Variants in TANC1 observed in about 807,000 individuals in gnomAD.
TANC1 encodes tetratricopeptide repeat, ankyrin repeat and coiled-coil containing 1.
TANC1 carries 77 observed loss-of-function variants against 149.7 expected under a neutral mutation model. The ratio of observed to expected loss-of-function variants is 0.51; its 90% confidence interval spans 0.43 to 0.62. The LOEUF (loss-of-function observed/expected upper bound fraction) is 0.62. TANC1 is among the 20% of genes least tolerant of loss of function. The pLI is 0.00. For synonymous variants in TANC1, 854 were observed against 925.0 expected, an observed-to-expected ratio of 0.92 and a Z score of 1.39; for missense variants, 1,985 against 2,321.8, an observed-to-expected ratio of 0.85 and a Z score of 2.98.
Position 159,062,334 on chromosome 2 carries a change from A to G in TANC1, c.-15-3562A>G, listed in dbSNP as rs182869934. 2.3e-3 allele frequency among the ~76,000 whole-genome samples: 347 copies of G among 152,372 alleles called. 3 individuals are homozygous for G. Among genetic ancestry groups the G allele is most frequent in the African/African-American group, 7.7e-3 (321 of 41,592 alleles). The stretch of plus-strand genomic sequence containing the variant: ...ATGTTTTATCCTATGATACTTATCC[A>G]TAAGTACTTCCTTACCATACAGTAT... On this transcript the variant is annotated intron_variant, in intron 2 of 26. Coordinates refer to ENST00000263635, the MANE Select transcript of TANC1 (RefSeq NM_033394.3).
intron 1 of TANC1, among the ~76,000 whole-genome samples, chr2:158,989,922 T>G (rs1024941850): frequency 6.6e-6 from 1 of 152,000 alleles, no homozygotes; most frequent in East Asian, 1.9e-4. Flanking sequence ...ATGGGGATTT[T>G]TTTTTTTTTT....
chr2:159,060,537 T>A (rs917187724), intron 2 of TANC1, among the ~76,000 whole-genome samples: 21 of 152,234 alleles, frequency 1.4e-4, no homozygotes, highest in African/African-American at 4.3e-4. Flanking sequence ...TATAGGAATA[T>A]TCTTTGTCAA....
intron 16 of TANC1, 22 bp downstream of exon 16, chr2:159,187,046 G>A (rs573373795): frequency 6.2e-7 from 1 of 1,613,340 alleles, no homozygotes; most frequent in South Asian, 1.1e-5. Flanking sequence ...TCTGCACAGA[G>A]AGCCGGAGAC....
intron 3 of TANC1, among the ~76,000 whole-genome samples, chr2:159,088,822 C>T (rs2045230010): frequency 6.6e-6 from 1 of 152,152 alleles, no homozygotes; most frequent in African/African-American, 2.4e-5. Context: ...AGGAAAGAAA[C>T]ACTCTATGAA....
intron 1 of TANC1, among the ~76,000 whole-genome samples, chr2:159,000,464 G>A (rs1574044968): frequency 6.6e-6 from 1 of 152,168 alleles, no homozygotes; most frequent in East Asian, 1.9e-4. Flanking sequence ...GAATATTCAG[G>A]GTCTTTTGGA....
At chr2:159,086,563 G>C (rs1367591452) in intron 3 of TANC1, among the ~76,000 whole-genome samples, 1 of 152,168 alleles carries the variant, frequency 6.6e-6, no homozygotes, top group African/African-American at 2.4e-5. Context: ...GACAGCAGGA[G>C]CCTCAAGAAC....
chr2:159,107,153 G>A (rs190164208), intron 4 of TANC1, among the ~76,000 whole-genome samples: 1 of 152,246 alleles, frequency 6.6e-6, no homozygotes, highest in Non-Finnish European at 1.5e-5. Context: ...TCAGCCTCCT[G>A]AGTAGCTGGG....
intron 1 of TANC1, among the ~76,000 whole-genome samples, chr2:158,968,986 C>T (rs905512072): frequency 1.3e-5 from 2 of 152,190 alleles, no homozygotes; most frequent in Non-Finnish European, 2.9e-5. Flanking sequence ...ACATGTTGGG[C>T]GCCCCGGGCC....
chr2:159,036,146 C>T (rs2040173491), intron 2 of TANC1, among the ~76,000 whole-genome samples: 1 of 152,144 alleles, frequency 6.6e-6, no homozygotes, highest in African/African-American at 2.4e-5. Flanking sequence ...CGATTCCCTT[C>T]CTGGCTGCCA....
At position 158,983,339 on chromosome 2, in the gene TANC1, T is replaced by C. The variant is rs989279667; in HGVS notation, c.-126+14557T>C. Among the ~76,000 whole-genome samples, 66 of 151,282 alleles carry C rather than the reference T, an allele frequency of 4.4e-4. 1 individual carries two copies. The highest frequency in any genetic ancestry group is 2.3e-3 in the South Asian group (11 of 4,762). On this transcript the variant is annotated intron_variant, in intron 1 of 26. Coordinates refer to ENST00000263635, the MANE Select transcript of TANC1 (RefSeq NM_033394.3). ...AAAATTAGCCGGGCGTGGTGGCGGG[T>C]GCCTGTAGTCCCAGCTACTCGGGAG...
In TANC1 at chr2:159,102,648, T is replaced by C. The variant is rs902588549; in HGVS notation, c.259+4814T>C. ...CCAGTTTACTTGAAGAGTTTGATAT[T>C]TGTTGTCCATTGTTTCATTATTTTA... is the stretch of plus-strand genomic sequence containing the variant. On this transcript the variant is annotated intron_variant, in intron 4 of 26. Transcript: ENST00000263635. 3.2e-5 allele frequency among the ~76,000 whole-genome samples: 4 copies of C among 123,278 alleles called. 1 individual carries two copies. The highest frequency in any genetic ancestry group is 1.2e-4 in the African/African-American group (4 of 32,864). The allele number at this position is 123,278 out of a possible 152,430, so 80.9% of individuals were successfully genotyped here. A position where few individuals can be genotyped will look rare whatever the true frequency, so the allele number is the denominator to read the frequency against.
intron 4 of TANC1, among the ~76,000 whole-genome samples, chr2:159,113,605 T>C (rs1227069492): frequency 1.3e-5 from 2 of 152,160 alleles, no homozygotes; most frequent in Middle Eastern, 3.2e-3. Flanking sequence ...CCTTCTGCCT[T>C]TTATTGTCCT....
At chr2:159,099,023 C>T (rs1000259272) in intron 4 of TANC1, among the ~76,000 whole-genome samples, 1 of 152,060 alleles carries the variant, frequency 6.6e-6, no homozygotes, top group African/African-American at 2.4e-5. Context: ...CTTGAGATCA[C>T]CTATGCTGAC....
intron 3 of TANC1, among the ~76,000 whole-genome samples, chr2:159,080,071 G>A (rs2044109928): frequency 6.6e-6 from 1 of 152,138 alleles, no homozygotes; most frequent in Non-Finnish European, 1.5e-5. Context: ...CAGAAAAGGG[G>A]CAGGGCTCTG....
chr2:159,051,583 C>A (rs2041468034), intron 2 of TANC1, among the ~76,000 whole-genome samples: 1 of 151,914 alleles, frequency 6.6e-6, no homozygotes, highest in Non-Finnish European at 1.5e-5. Context: ...TTATGGGACC[C>A]CTACAAATAA....
At chr2:159,018,886 A>G (rs2038537347) in intron 2 of TANC1, among the ~76,000 whole-genome samples, 1 of 152,280 alleles carries the variant, frequency 6.6e-6, no homozygotes, top group Non-Finnish European at 1.5e-5. Flanking sequence ...AAAAGAAAGA[A>G]TAAAACTCAA....
chr2:159,135,488 A>G (rs2050572592), intron 4 of TANC1, among the ~76,000 whole-genome samples: 1 of 152,252 alleles, frequency 6.6e-6, no homozygotes, highest in Non-Finnish European at 1.5e-5. Flanking sequence ...TGTTTTCCAA[A>G]ACGGCTGCAT....
chr2:159,202,699 G>A (rs1033187446), intron 19 of TANC1, among the ~76,000 whole-genome samples: 7 of 152,078 alleles, frequency 4.6e-5, no homozygotes, highest in Non-Finnish European at 7.4e-5. Flanking sequence ...CCACCCTCAG[G>A]ATGCCAAGGC....
At chr2:159,197,626 CACAGAG>C (rs1559442071) in intron 18 of TANC1, among the ~76,000 whole-genome samples, 1 of 143,794 alleles carries the variant, frequency 7.0e-6, no homozygotes, top group African/African-American at 2.4e-5. Flanking sequence ...CACACACACA[CACAGAG>C]AGATACTGTT....
Sources: allele counts gnomAD v4.1 joint callset (sites outside exome capture counted in the v4.1 genomes callset), GRCh38; gene constraint gnomAD v4.1.1; transcripts MANE v1.5; gene names NCBI Gene and HGNC (gene_info 2026-07-23, HGNC 2026-07-21).